The following DRC9 variants were observed in gnomAD, a reference collection of about 807,000 sequenced individuals.
DRC9 encodes the protein dynein regulatory complex subunit 9.
chr3:197,899,825 A>G, the DRC9 span, among the ~76,000 whole-genome samples: 2,697 of 152,224 alleles, frequency 0.018, 89 homozygotes, highest in African/African-American at 0.062. Flanking sequence ...CAGGTAAGCA[A>G]TCGCAGTACC....
the DRC9 span, among the ~76,000 whole-genome samples, chr3:197,910,111 G>C: frequency 6.6e-6 from 1 of 152,084 alleles, no homozygotes; most frequent in Admixed American, 6.5e-5. Context: ...ATTTAAGAGG[G>C]CTTTCACTTT....
the DRC9 span, chr3:197,951,404 A>C: frequency 1.4e-6 from 2 of 1,381,844 alleles, no homozygotes; most frequent in East Asian, 4.6e-5. Flanking sequence ...CCGAGGCTGG[A>C]ATGCAGTGAC....
chr3:197,898,259 C>T, the DRC9 span, among the ~76,000 whole-genome samples: 1 of 152,006 alleles, frequency 6.6e-6, no homozygotes, highest in Non-Finnish European at 1.5e-5. Context: ...AAGGAAATAA[C>T]AAATTATAAA....
the DRC9 span, among the ~76,000 whole-genome samples, chr3:197,923,809 G>A: frequency 6.6e-6 from 1 of 152,140 alleles, no homozygotes; most frequent in African/African-American, 2.4e-5. Flanking sequence ...GCTCATGCCT[G>A]TAATCCCAAT....
At chr3:197,943,683 G>A in the DRC9 span, 1 of 1,098,752 alleles carries the variant, frequency 9.1e-7, no homozygotes, top group African/African-American at 1.6e-5. Context: ...GAGAGAGAAA[G>A]AAAGAAAAAT....
At chr3:197,960,118 T>C in the DRC9 span, 285 of 933,444 alleles carry the variant, frequency 3.1e-4, 1 homozygote, top group Middle Eastern at 2.8e-3. Context: ...TTCTAGCGGG[T>C]GACGCTGTCC....
At chr3:197,890,939 G>A in the DRC9 span, among the ~76,000 whole-genome samples, 1 of 152,154 alleles carries the variant, frequency 6.6e-6, no homozygotes, top group Admixed American at 6.5e-5. Context: ...TTTTGCTTGC[G>A]AGTATTTCAC....
chr3:197,921,530 A>G, the DRC9 span, among the ~76,000 whole-genome samples: 1 of 149,834 alleles, frequency 6.7e-6, no homozygotes, highest in Non-Finnish European at 1.5e-5. Flanking sequence ...ACTGGTTTTC[A>G]GTAACTCCGG....
the DRC9 span, among the ~76,000 whole-genome samples, chr3:197,910,726 T>C: frequency 1.3e-5 from 2 of 152,166 alleles, no homozygotes; most frequent in African/African-American, 4.8e-5. Flanking sequence ...ACGCCTGTAA[T>C]CCCAGCACTT....
chr3:197,913,406 T>C, the DRC9 span: 357 of 271,030 alleles, frequency 1.3e-3, 1 homozygote, highest in African/African-American at 7.5e-3. Flanking sequence ...CTACCACTTC[T>C]TTCTTCCTCC....
At chr3:197,944,118 A>C in the DRC9 span, 1 of 1,411,578 alleles carries the variant, frequency 7.1e-7, no homozygotes, top group East Asian at 2.3e-5. Flanking sequence ...ACTCAAAAGC[A>C]CAGGCAGCAA....
the DRC9 span, chr3:197,951,188 A>T: frequency 1.2e-6 from 2 of 1,614,194 alleles, no homozygotes; most frequent in Non-Finnish European, 1.7e-6. Context: ...TTTGCTGGCT[A>T]TAAGCGGGGT....
At chr3:197,950,186 C>T in the DRC9 span, 2 of 1,231,578 alleles carry the variant, frequency 1.6e-6, no homozygotes, top group South Asian at 4.1e-5. Flanking sequence ...GGCGGGGCCT[C>T]GTCCTTCTCT....
the DRC9 span, among the ~76,000 whole-genome samples, chr3:197,919,174 C>T: frequency 2.0e-5 from 3 of 152,174 alleles, no homozygotes; most frequent in Admixed American, 6.5e-5. Context: ...GTTTTAATGC[C>T]GTTGCCATGG....
the DRC9 span, among the ~76,000 whole-genome samples, chr3:197,892,424 G>A: frequency 1.2e-4 from 19 of 152,150 alleles, no homozygotes; most frequent in African/African-American, 3.6e-4. Flanking sequence ...AAGAATCCTG[G>A]TGGCTTATAA....
the DRC9 span, chr3:197,954,426 T>C: frequency 4.3e-6 from 2 of 463,968 alleles, no homozygotes; most frequent in Non-Finnish European, 4.0e-6. Context: ...CTCGACCTCC[T>C]GGGTTCAAGC....
At chr3:197,932,845 A>ATGTATAATATACATTATATATG in the DRC9 span, among the ~76,000 whole-genome samples, 1 of 131,974 alleles carries the variant, frequency 7.6e-6, no homozygotes, top group Non-Finnish European at 1.6e-5. Flanking sequence ...TATGTATTAT[A>ATGTATAATATACATTATATATG]TATAATATAC....
the DRC9 span, among the ~76,000 whole-genome samples, chr3:197,928,669 A>G: frequency 6.6e-6 from 1 of 152,142 alleles, no homozygotes; most frequent in Non-Finnish European, 1.5e-5. Context: ...CTCTTGAAAC[A>G]ATACTAAAAT....
the DRC9 span, among the ~76,000 whole-genome samples, chr3:197,923,246 G>A: frequency 6.6e-6 from 1 of 152,080 alleles, no homozygotes; most frequent in Non-Finnish European, 1.5e-5. Flanking sequence ...AGCCTCCCAC[G>A]CAGTTAGGAC....
Sources: gnomAD v4.1 joint callset for allele counts (sites outside exome capture counted in the v4.1 genomes callset) on GRCh38, gnomAD v4.1.1 for gene constraint, MANE v1.5 for transcripts, NCBI Gene and HGNC (gene_info 2026-07-23, HGNC 2026-07-21) for gene names.